TRPC4: variants seen among roughly 807,000 people sequenced by gnomAD.
The protein encoded by TRPC4 is short transient receptor potential channel 4.
In TRPC4, 49 loss-of-function variants were observed where a neutral mutation model predicts 99.4. That is an observed-to-expected ratio of 0.49 (90% CI 0.39 to 0.63). The LOEUF (loss-of-function observed/expected upper bound fraction) is 0.63. Ranked by LOEUF, TRPC4 falls within the 20% of genes least tolerant of loss-of-function variation. The probability of loss-of-function intolerance (pLI) is 0.00; values close to 1 mark genes in which losing one functional copy is unlikely to be tolerated. For missense variants in TRPC4, 898 were observed against 1,152.9 expected, an observed-to-expected ratio of 0.78 and a Z score of 3.20; for synonymous variants, 454 against 425.9, an observed-to-expected ratio of 1.07 and a Z score of -0.81.
At chr13:37,823,179 T>A (rs1958070873) in intron 1 of TRPC4, among the ~76,000 whole-genome samples, 1 of 149,160 alleles carries the variant, frequency 6.7e-6, no homozygotes, top group Non-Finnish European at 1.5e-5. Flanking sequence ...TAGCCCTTTG[T>A]CAGATGAGTA....
chr13:37,685,027 G>A (rs1010173999), intron 4 of TRPC4, among the ~76,000 whole-genome samples: 9 of 152,078 alleles, frequency 5.9e-5, no homozygotes, highest in African/African-American at 1.9e-4. Context: ...TAGAAAAAAG[G>A]CAGTGATGAT....
At chr13:37,768,273 T>C (rs1956443268) in intron 2 of TRPC4, among the ~76,000 whole-genome samples, 1 of 151,496 alleles carries the variant, frequency 6.6e-6, no homozygotes, top group African/African-American at 2.4e-5. Flanking sequence ...ATTTCTTCTC[T>C]TCTGAGATTG....
intron 3 of TRPC4, among the ~76,000 whole-genome samples, chr13:37,724,521 TTG>T (rs1954974554): frequency 6.6e-6 from 1 of 152,216 alleles, no homozygotes. Flanking sequence ...TTATGATGAA[TTG>T]TTATTATAAT....
At chr13:37,736,299 T>C (rs548959928) in intron 3 of TRPC4, among the ~76,000 whole-genome samples, 56 of 152,176 alleles carry the variant, frequency 3.7e-4, no homozygotes, top group African/African-American at 1.3e-3. Flanking sequence ...TGCACAACCA[T>C]GGAGAAAAGA....
At chr13:37,698,602 TA>T (rs985961928) in intron 3 of TRPC4, among the ~76,000 whole-genome samples, 43 of 152,242 alleles carry the variant, frequency 2.8e-4, no homozygotes, top group African/African-American at 9.9e-4. Flanking sequence ...AAGATTCCTT[TA>T]AAAGGAATTG....
chr13:37,667,538 T>G (rs1175630215), intron 5 of TRPC4, among the ~76,000 whole-genome samples: 3 of 152,136 alleles, frequency 2.0e-5, no homozygotes, highest in African/African-American at 7.2e-5. Flanking sequence ...GAACTCCTGA[T>G]CTCAGGTGGT....
chr13:37,658,579 A>G (rs1338396352), intron 6 of TRPC4, among the ~76,000 whole-genome samples: 1 of 152,208 alleles, frequency 6.6e-6, no homozygotes, highest in Non-Finnish European at 1.5e-5. Context: ...CTGGCCAGTT[A>G]CAACCATTAG....
chr13:37,717,974 G>T (rs1012713513), intron 3 of TRPC4, among the ~76,000 whole-genome samples: 2 of 152,146 alleles, frequency 1.3e-5, no homozygotes, highest in African/African-American at 2.4e-5. Flanking sequence ...TTACTTATTT[G>T]TTTGCTTGTA....
intron 8 of TRPC4, among the ~76,000 whole-genome samples, chr13:37,639,556 T>C (rs1231480758): frequency 1.3e-5 from 2 of 152,080 alleles, no homozygotes; most frequent in Non-Finnish European, 2.9e-5. Context: ...GGACACAGGA[T>C]GAAGGAAAAT....
rs1276889632 is a variant in TRPC4, at chr13:37,684,086, T to G, written c.1234+7913A>C. ...AAAACCATTATATGATTATGAAATTTGACTTCCAGAATTGTTTCTCAGTCT... is the reference window on the plus strand; with the variant it reads ...AAAACCATTATATGATTATGAAATTGGACTTCCAGAATTGTTTCTCAGTCT... On this transcript the variant is annotated intron_variant, in intron 4 of 10. Transcript: ENST00000379705. Among the ~76,000 whole-genome samples, 2 of 152,322 alleles carry G rather than the reference T, an allele frequency of 1.3e-5. 1 individual carries two copies. Among genetic ancestry groups the G allele is most frequent in the Non-Finnish European group, 2.9e-5 (2 of 68,014 alleles).
At chr13:37,745,904 G>A in intron 3 of TRPC4, 33 bp downstream of exon 3, 1 of 1,582,406 alleles carries the variant, frequency 6.3e-7, no homozygotes. Context: ...AAACTCTATG[G>A]CATTTTGATG....
At chr13:37,644,256 A>T (rs1402229165) in intron 8 of TRPC4, among the ~76,000 whole-genome samples, 1 of 152,186 alleles carries the variant, frequency 6.6e-6, no homozygotes, top group Non-Finnish European at 1.5e-5. Context: ...TTAAGAGAAG[A>T]TATCTTTTTC....
At chr13:37,824,420 A>C (rs1958133805) in intron 1 of TRPC4, among the ~76,000 whole-genome samples, 1 of 151,888 alleles carries the variant, frequency 6.6e-6, no homozygotes, top group Non-Finnish European at 1.5e-5. Flanking sequence ...TGTCATAGAT[A>C]GCTCTTATTG....
intron 3 of TRPC4, among the ~76,000 whole-genome samples, chr13:37,729,238 C>T (rs1955165692): frequency 1.3e-5 from 2 of 152,176 alleles, no homozygotes; most frequent in East Asian, 1.9e-4. Flanking sequence ...GGCTCGACAT[C>T]ATTGCTCATG....
Position 37,797,808 on chromosome 13 carries a change from A to T in TRPC4, c.-27-14448T>A, listed in dbSNP as rs1039600408. Among the ~76,000 whole-genome samples, 8 of 152,158 alleles carry T rather than the reference A, an allele frequency of 5.3e-5. 1 individual carries two copies. Among genetic ancestry groups the T allele is most frequent in the Admixed American group, 2.0e-4 (3 of 15,268 alleles). ...AAAGACTAGACTTTTTGGGCAAAGGAATTTTGACAAGTTACTCGGTTATTT... is the reference window on the plus strand; with the variant it reads ...AAAGACTAGACTTTTTGGGCAAAGGTATTTTGACAAGTTACTCGGTTATTT... On this transcript the variant is annotated intron_variant, in intron 1 of 10. Transcript: ENST00000379705.
intron 2 of TRPC4, among the ~76,000 whole-genome samples, chr13:37,782,419 T>C (rs1475952441): frequency 1.3e-5 from 2 of 152,148 alleles, no homozygotes; most frequent in Non-Finnish European, 1.5e-5. Flanking sequence ...TAATCCTTTT[T>C]GTTTCTTTCT....
At chr13:37,738,887 T>G (rs1404685096) in intron 3 of TRPC4, among the ~76,000 whole-genome samples, 1 of 152,144 alleles carries the variant, frequency 6.6e-6, no homozygotes, top group African/African-American at 2.4e-5. Context: ...TGCTTAACAG[T>G]TGTGCTCAGA....
intron 3 of TRPC4, among the ~76,000 whole-genome samples, chr13:37,692,721 T>C (rs1022031945): frequency 3.9e-5 from 6 of 152,214 alleles, no homozygotes; most frequent in African/African-American, 1.4e-4. Flanking sequence ...TTGATATAGT[T>C]GTTATCTCTT....
chr13:37,779,350 G>A (rs930677422), intron 2 of TRPC4, among the ~76,000 whole-genome samples: 3 of 151,746 alleles, frequency 2.0e-5, no homozygotes, highest in African/African-American at 7.3e-5. Context: ...AATGATTCCT[G>A]CTTAGTGTAG....
Sources: allele counts gnomAD v4.1 joint callset (sites outside exome capture counted in the v4.1 genomes callset), GRCh38; gene constraint gnomAD v4.1.1; transcripts MANE v1.5; gene names NCBI Gene and HGNC (gene_info 2026-07-23, HGNC 2026-07-21).